Variants in DYNC1LI1 observed in about 807,000 individuals in gnomAD.
DYNC1LI1 encodes the protein dynein cytoplasmic 1 light intermediate chain 1, also known as cytoplasmic dynein 1 light intermediate chain 1.
DYNC1LI1 carries 19 observed loss-of-function variants against 63.8 expected under a neutral mutation model. The ratio of observed to expected loss-of-function variants is 0.30; its 90% confidence interval spans 0.21 to 0.44. The LOEUF (loss-of-function observed/expected upper bound fraction) is 0.44. Ranked by LOEUF, DYNC1LI1 falls within the 20% of genes least tolerant of loss-of-function variation. The probability of loss-of-function intolerance (pLI) is 1.00; values close to 1 mark genes in which losing one functional copy is unlikely to be tolerated. For missense variants in DYNC1LI1, 565 were observed against 630.2 expected (o/e 0.90, Z 1.11); for synonymous variants, 225 against 232.3 (o/e 0.97, Z 0.28).
chr3:32,540,360 C>A (rs1393420976), intron 5 of DYNC1LI1, among the ~76,000 whole-genome samples: 3 of 151,752 alleles, frequency 2.0e-5, no homozygotes, highest in African/African-American at 7.3e-5. Flanking sequence ...AGTATATAAT[C>A]CTCTGATATT....
chr3:32,555,155 C>A (rs1458713433), intron 2 of DYNC1LI1, among the ~76,000 whole-genome samples: 3 of 152,152 alleles, frequency 2.0e-5, no homozygotes, highest in African/African-American at 7.2e-5. Context: ...TGGCATGAGC[C>A]ACCTCATCAG....
chr3:32,569,001 A>G (rs1346930587), intron 2 of DYNC1LI1, among the ~76,000 whole-genome samples: 1 of 152,230 alleles, frequency 6.6e-6, no homozygotes, highest in East Asian at 1.9e-4. Flanking sequence ...AGTTCTGATC[A>G]CAAATATTTT....
rs763382922 is a variant in DYNC1LI1, at chr3:32,541,096, G to C, written c.679C>G (p.Leu227Val). Residue 227 changes from leucine to valine, a missense_variant, in exon 5 of 13, where the codon CTG (leucine) becomes GTG (valine). Transcript: ENST00000273130. ...TTATGTGTAAGTGTATCCGCACCCAGAGGTAAAACTACACTGTCATCTTTG... is the reference window on the plus strand; with the variant it reads ...TTATGTGTAAGTGTATCCGCACCCACAGGTAAAACTACACTGTCATCTTTG... ...EDKDDSVVLP[L>V]GADTLTHNLG... 6.2e-7 allele frequency: 1 copy of C among 1,613,718 alleles called. No individual in the cohort carries two copies. The highest frequency in any genetic ancestry group is 8.5e-7 in the Non-Finnish European group (1 of 1,179,736).
intron 2 of DYNC1LI1, among the ~76,000 whole-genome samples, chr3:32,548,630 G>A (rs931465777): frequency 6.6e-6 from 1 of 152,112 alleles, no homozygotes. Context: ...TTGGTCAAAG[G>A]TTACAGAATT....
chr3:32,566,166 G>A (rs1322870695), intron 2 of DYNC1LI1, among the ~76,000 whole-genome samples: 3 of 152,088 alleles, frequency 2.0e-5, no homozygotes, highest in Admixed American at 1.3e-4. Context: ...CAGCTACTTA[G>A]GAGGCTGAGG....
intron 2 of DYNC1LI1, among the ~76,000 whole-genome samples, chr3:32,548,043 G>A (rs1462212237): frequency 2.3e-4 from 35 of 151,902 alleles, no homozygotes; most frequent in Admixed American, 2.2e-3. Context: ...TACTCGCAAT[G>A]CAATACTATT....
intron 4 of DYNC1LI1, among the ~76,000 whole-genome samples, chr3:32,544,130 A>T (rs2125437379): frequency 6.6e-6 from 1 of 152,276 alleles, no homozygotes; most frequent in African/African-American, 2.4e-5. Flanking sequence ...CAATTTTCAT[A>T]ATTCCCATAA....
chr3:32,530,780 T>G (rs997755631), intron 8 of DYNC1LI1: 15 of 400,826 alleles, frequency 3.7e-5, no homozygotes, highest in Non-Finnish European at 4.5e-6. Flanking sequence ...ACTGAGCACT[T>G]GAAATGTGGC....
At chr3:32,570,133 G>C (rs1698322972) in intron 2 of DYNC1LI1, 1 of 688,166 alleles carries the variant, frequency 1.5e-6, no homozygotes, top group Admixed American at 2.1e-5. Context: ...GGGAGGAGGA[G>C]GAGGAACCTG....
intron 8 of DYNC1LI1, chr3:32,532,047 C>T (rs1181454517): frequency 6.6e-6 from 1 of 152,136 alleles, no homozygotes; most frequent in Non-Finnish European, 1.5e-5. Flanking sequence ...TATGCAAATA[C>T]TCATTTTTAT....
intron 2 of DYNC1LI1, among the ~76,000 whole-genome samples, chr3:32,567,554 T>C (rs1698284462): frequency 6.7e-6 from 1 of 149,562 alleles, no homozygotes; most frequent in Non-Finnish European, 1.5e-5. Context: ...TTATTATTAT[T>C]TTGAGACAGG....
At chr3:32,537,938 A>ATTTATATATATATAT (rs71627023) in intron 5 of DYNC1LI1, among the ~76,000 whole-genome samples, 7 of 10,288 alleles carry the variant, frequency 6.8e-4, no homozygotes, top group Non-Finnish European at 1.2e-3. Context: ...TATATATATA[A>ATTTATATATATATAT]TATATATATA....
chr3:32,547,904 C>T (rs565784511), intron 2 of DYNC1LI1, among the ~76,000 whole-genome samples: 1 of 151,882 alleles, frequency 6.6e-6, no homozygotes, highest in Non-Finnish European at 1.5e-5. Flanking sequence ...AAATCTGGTA[C>T]GTGTATGTGT....
At position 32,529,661 on chromosome 3, in the gene DYNC1LI1, C is replaced by A; in HGVS notation, c.1186-1G>T. The A allele has an allele frequency of 6.3e-7, 1 of 1,584,104 alleles. No homozygotes were observed. The highest frequency in any genetic ancestry group is 8.6e-7 in the Non-Finnish European group (1 of 1,167,344). Reference sequence around the variant, plus strand: ...CTCCTGGGACTCTTGGTGAGGCATCCTATGTAAAAATAGGAAAATACAATT... The same window carrying A: ...CTCCTGGGACTCTTGGTGAGGCATCATATGTAAAAATAGGAAAATACAATT... On this transcript the variant is annotated splice_acceptor_variant, in intron 10 of 12. Transcript: ENST00000273130. LOFTEE classifies it high-confidence loss of function.
At chr3:32,538,081 A>AT (rs1329374036) in intron 5 of DYNC1LI1, among the ~76,000 whole-genome samples, 6 of 96,136 alleles carry the variant, frequency 6.2e-5, no homozygotes, top group African/African-American at 4.0e-5. Flanking sequence ...ATATATATAT[A>AT]AAATTTATAT....
intron 4 of DYNC1LI1, among the ~76,000 whole-genome samples, chr3:32,543,559 G>A (rs1238414006): frequency 6.7e-6 from 1 of 148,448 alleles, no homozygotes; most frequent in Non-Finnish European, 1.5e-5. Context: ...CCACCATGCT[G>A]GGCTAATTTT....
intron 1 of DYNC1LI1, 65 bp downstream of exon 1, chr3:32,570,546 CCAGCGGGCACGGGA>C (rs1698334400): frequency 1.3e-6 from 2 of 1,509,830 alleles, no homozygotes; most frequent in Non-Finnish European, 8.9e-7. Context: ...GCGCCGAGCT[CCAGCGGGCACGGGA>C]TCCCGAGGCG....
intron 6 of DYNC1LI1, among the ~76,000 whole-genome samples, chr3:32,536,789 T>C (rs1697780011): frequency 6.6e-6 from 1 of 152,184 alleles, no homozygotes; most frequent in Non-Finnish European, 1.5e-5. Flanking sequence ...TTAAGCATAC[T>C]TTAAACACAG....
rs762896099 is a variant in DYNC1LI1 at position 32,570,363 on chromosome 3, T to C, written c.203A>G (p.Lys68Arg). Reference sequence around the variant, plus strand: ...ACACTTACCCAGCAGTAGCACGTTCTTCCCCGCAGGGAGCTTGGAGCGCGA... The same window carrying C: ...ACACTTACCCAGCAGTAGCACGTTCCTCCCCGCAGGGAGCTTGGAGCGCGA... Reference protein sequence around the residue: ...TRSRSKLPAGKNVLLLGEDGA... With the variant: ...TRSRSKLPAGRNVLLLGEDGA... Residue 68 changes from lysine to arginine, a missense_variant, in exon 2 of 13, where the codon AAG (lysine) becomes AGG (arginine). Lys to Arg is a conservative substitution (Grantham distance 26). Transcript: ENST00000273130. 2.5e-6 allele frequency: 4 copies of C among 1,598,286 alleles called. No homozygotes were observed. The highest frequency in any genetic ancestry group is 3.4e-6 in the Non-Finnish European group (4 of 1,171,762).
Sources: allele counts gnomAD v4.1 joint callset (sites outside exome capture counted in the v4.1 genomes callset), GRCh38; gene constraint gnomAD v4.1.1; transcripts MANE v1.5; gene names NCBI Gene and HGNC (gene_info 2026-07-23, HGNC 2026-07-21).